Variants in PCDHGB7 observed in about 807,000 individuals in gnomAD.
PCDHGB7 encodes the protein protocadherin gamma subfamily B, 7, also known as protocadherin gamma-B7.
A neutral mutation model predicts 61.4 loss-of-function variants in PCDHGB7; 37 were observed. That is an observed-to-expected ratio of 0.60 (90% CI 0.46 to 0.79). PCDHGB7 has a LOEUF of 0.79. PCDHGB7 is among the 30% of genes least tolerant of loss of function. The pLI, the probability that PCDHGB7 is intolerant of heterozygous loss-of-function variation, is 0.00. For synonymous variants in PCDHGB7, 464 were observed against 503.5 expected (o/e 0.92, Z 1.05); for missense variants, 1,166 against 1,202.5 (o/e 0.97, Z 0.45).
In PCDHGB7 at chr5:141,485,507, G is replaced by A. The variant is rs766643911; in HGVS notation, c.2416-9300G>A. 6.8e-6 allele frequency: 11 copies of A among 1,614,174 alleles called. No homozygotes were observed. Among genetic ancestry groups the A allele is most frequent in the Non-Finnish European group, 8.5e-6 (10 of 1,180,036 alleles). ...CGTGCCCCTGGAGTTTGTCACCGAA[G>A]GTCCTTTGGAAATGTACCGAGCAGA... On this transcript the variant is annotated intron_variant, in intron 1 of 3. Transcript: ENST00000398594. The surrounding 1 kb of genome is among the most constrained non-coding windows in gnomAD (Gnocchi z 5.7).
chr5:141,478,839 T>G, intron 1 of PCDHGB7: 6 of 1,423,322 alleles, frequency 4.2e-6, no homozygotes, highest in Non-Finnish European at 5.5e-6. Flanking sequence ...AAGGGATGGT[T>G]AAGCTAAAAC....
Position 141,431,062 on chromosome 5 carries a change from G to C in PCDHGB7, c.2415+10788G>C, listed in dbSNP as rs2097341170. On this transcript the variant is annotated intron_variant, in intron 1 of 3. Coordinates refer to ENST00000398594, the MANE Select transcript of PCDHGB7 (RefSeq NM_018927.4). This position sits in a 1 kb window ranked among gnomAD's most constrained non-coding sequence, Gnocchi z 4.8. ...AGGAGCTCTGTATGGGGGCCATCAA[G>C]TGTCAATTAAATCTAGACATTCTGA... 6.2e-7 allele frequency: 1 copy of C among 1,614,212 alleles called. No individual in the cohort carries two copies. The highest frequency in any genetic ancestry group is 1.3e-5 in the African/African-American group (1 of 75,084).
intron 1 of PCDHGB7, chr5:141,427,552 C>T (rs1233231671): frequency 1.5e-6 from 1 of 645,244 alleles, no homozygotes; most frequent in South Asian, 1.5e-5. Context: ...ATCACTGCCA[C>T]TGACAAGGGC....
intron 1 of PCDHGB7, among the ~76,000 whole-genome samples, chr5:141,430,398 C>T (rs2097281985): frequency 6.7e-6 from 1 of 150,224 alleles, no homozygotes. Flanking sequence ...AAAAAAAAAG[C>T]TCACTAAAGT....
intron 1 of PCDHGB7, chr5:141,422,542 G>T (rs368252552): frequency 1.2e-5 from 19 of 1,613,878 alleles, no homozygotes; most frequent in Admixed American, 1.7e-5. Context: ...AGAAACTCAT[G>T]TCTGGCTGAA....
intron 2 of PCDHGB7, among the ~76,000 whole-genome samples, chr5:141,501,838 G>A (rs888418141): frequency 6.6e-6 from 1 of 152,000 alleles, no homozygotes; most frequent in African/African-American, 2.4e-5. Flanking sequence ...CACCTGTTTG[G>A]CCCTCAACCT....
At chr5:141,445,524 TA>T (rs1180348783) in intron 1 of PCDHGB7, among the ~76,000 whole-genome samples, 1 of 152,192 alleles carries the variant, frequency 6.6e-6, no homozygotes, top group Admixed American at 6.5e-5. Flanking sequence ...ACAGGTCTGA[TA>T]AAAGCCAACA....
chr5:141,430,975 G>A (rs776670383), intron 1 of PCDHGB7: 2 of 1,613,208 alleles, frequency 1.2e-6, no homozygotes, highest in Admixed American at 1.7e-5. Flanking sequence ...GAGGTAGGAC[G>A]CAGCTTTTCG....
rs2099622509 is a variant in PCDHGB7 at position 141,485,988 on chromosome 5, G to T, written c.2416-8819G>T. On this transcript the variant is annotated intron_variant, in intron 1 of 3. Coordinates refer to ENST00000398594, the MANE Select transcript of PCDHGB7 (RefSeq NM_018927.4). The surrounding 1 kb of genome is among the most constrained non-coding windows in gnomAD (Gnocchi z 5.7). The stretch of plus-strand genomic sequence containing the variant: ...CTCAATGCCTCAGACCCGGACCTGG[G>T]TCCCAGTGGTAACGTCACCTTTTAT... 16 of 1,614,188 alleles carry T rather than the reference G, an allele frequency of 9.9e-6. No homozygotes were observed. The highest frequency in any genetic ancestry group is 1.4e-5 in the Non-Finnish European group (16 of 1,180,038).
Position 141,419,024 on chromosome 5 carries a change from G to A in PCDHGB7, c.1165G>A (p.Gly389Ser), listed in dbSNP as rs1423033793. ...NGEVRCSLSR[G>S]VPFKIHSSSN... The stretch of plus-strand genomic sequence containing the variant: ...GGAAGTCAGGTGTAGCTTAAGTAGA[G>A]GTGTTCCATTTAAGATTCATTCTTC... Residue 389 changes from glycine to serine, a missense_variant, in exon 1 of 4, where the codon GGT becomes AGT. Coordinates refer to ENST00000398594, the MANE Select transcript of PCDHGB7 (RefSeq NM_018927.4). 1.2e-6 allele frequency: 2 copies of A among 1,613,874 alleles called. No individual in the cohort carries two copies. The highest frequency in any genetic ancestry group is 1.7e-5 in the Admixed American group (1 of 60,020).
intron 1 of PCDHGB7, among the ~76,000 whole-genome samples, chr5:141,448,712 G>A (rs1439461223): frequency 1.3e-5 from 2 of 152,004 alleles, no homozygotes; most frequent in African/African-American, 2.4e-5. Flanking sequence ...AGGCCGAGGC[G>A]GGAGGATCAC....
chr5:141,471,964 T>C lies in PCDHGB7; in HGVS notation c.2416-22843T>C, dbSNP rs138170906. Among the ~76,000 whole-genome samples, 591 of 152,278 alleles carry C rather than the reference T, an allele frequency of 3.9e-3. 6 individuals are homozygous for C. Among genetic ancestry groups the C allele is most frequent in the Admixed American group, 0.011 (171 of 15,292 alleles). On this transcript the variant is annotated intron_variant, in intron 1 of 3. Transcript: ENST00000398594. ...TCTAAAACTGGATTGTGGGGTTGGT[T>C]GCATTACTGTATAAATTTATTAAAA...
Position 141,476,461 on chromosome 5 carries a change from G to T in PCDHGB7, c.2416-18346G>T. On this transcript the variant is annotated intron_variant, in intron 1 of 3. Transcript: ENST00000398594. This position sits in a 1 kb window ranked among gnomAD's most constrained non-coding sequence, Gnocchi z 7.6. The stretch of plus-strand genomic sequence containing the variant: ...CTCTGGAGTTGGTAGTGGAGAACCC[G>T]CTGGAGCTGTTCAGCGTGGAAGTGG... The T allele has an allele frequency of 6.2e-7, 1 of 1,614,122 alleles. No homozygotes were observed. Among genetic ancestry groups the T allele is most frequent in the Non-Finnish European group, 8.5e-7 (1 of 1,180,022 alleles).
chr5:141,451,322 T>C (rs1452969719), intron 1 of PCDHGB7, among the ~76,000 whole-genome samples: 1 of 152,236 alleles, frequency 6.6e-6, no homozygotes, highest in African/African-American at 2.4e-5. Flanking sequence ...AAGTGTCACC[T>C]AAGGCTATTG....
rs529029548 is a variant in PCDHGB7 at position 141,483,337 on chromosome 5, T to C, written c.2416-11470T>C. 9.2e-5 allele frequency among the ~76,000 whole-genome samples: 14 copies of C among 152,260 alleles called. No homozygotes were observed. In the East Asian group the frequency reaches 2.5e-3, roughly 27 times the overall value. On this transcript the variant is annotated intron_variant, in intron 1 of 3. Transcript: ENST00000398594. Reference sequence around the variant, plus strand: ...TGGGACTGGAGGCAAAGAGATCTTATCTCTTTGCAATAGTTTGAAAGCTAT... The same window carrying C: ...TGGGACTGGAGGCAAAGAGATCTTACCTCTTTGCAATAGTTTGAAAGCTAT...
chr5:141,428,320 T>C (rs2097132935), intron 1 of PCDHGB7: 2 of 650,176 alleles, frequency 3.1e-6, no homozygotes, highest in Admixed American at 2.2e-5. Context: ...GGCCTTGGCC[T>C]TGATTTCTAT....
intron 1 of PCDHGB7, among the ~76,000 whole-genome samples, chr5:141,458,112 A>C (rs2098937913): frequency 6.6e-6 from 1 of 152,208 alleles, no homozygotes; most frequent in Non-Finnish European, 1.5e-5. Context: ...ATAGTCTCCA[A>C]ATTTTAGAGG....
At chr5:141,469,893 A>G (rs2099214569) in intron 1 of PCDHGB7, among the ~76,000 whole-genome samples, 1 of 152,200 alleles carries the variant, frequency 6.6e-6, no homozygotes, top group South Asian at 2.1e-4. Context: ...CACTTTGGGA[A>G]GCCGAGGCAG....
Position 141,493,685 on chromosome 5 carries a change from G to A in PCDHGB7, c.2416-1122G>A, listed in dbSNP as rs139973755. ...CCATGGCAGCCCCAGAATGGTGCTG[G>A]TGACTCCCGATACACCTGGAATGCT... On this transcript the variant is annotated intron_variant, in intron 1 of 3. Transcript: ENST00000398594. The surrounding 1 kb of genome is among the most constrained non-coding windows in gnomAD (Gnocchi z 4.3). 1.1e-3 allele frequency among the ~76,000 whole-genome samples: 165 copies of A among 152,282 alleles called. 3 individuals carry two copies. The highest frequency in any genetic ancestry group is 8.2e-3 in the Admixed American group (125 of 15,298).
Sources: allele counts gnomAD v4.1 joint callset (sites outside exome capture counted in the v4.1 genomes callset), GRCh38; gene constraint gnomAD v4.1.1; non-coding constraint Gnocchi (gnomAD v3.1); transcripts MANE v1.5; gene names NCBI Gene and HGNC (gene_info 2026-07-23, HGNC 2026-07-21).